RGL1: variants seen among roughly 807,000 people sequenced by gnomAD.
RGL1 encodes ral guanine nucleotide dissociation stimulator like 1.
A neutral mutation model predicts 95.2 loss-of-function variants in RGL1; 24 were observed. That is an observed-to-expected ratio of 0.25 (90% confidence interval 0.18 to 0.35). The LOEUF (loss-of-function observed/expected upper bound fraction) is 0.35, where lower values mean the gene tolerates loss of function less well. Ranked by LOEUF, RGL1 falls within the 10% of genes least tolerant of loss-of-function variation. The probability of loss-of-function intolerance (pLI) is 1.00; values close to 1 mark genes in which losing one functional copy is unlikely to be tolerated. For missense variants in RGL1, 715 were observed against 936.3 expected (o/e 0.76, Z 3.08); for synonymous variants, 329 against 344.9 (o/e 0.95, Z 0.51).
chr1:183,905,049 C>T, intron 13 of RGL1, 78 bp downstream of exon 13: 2 of 1,510,340 alleles, frequency 1.3e-6, no homozygotes, highest in Non-Finnish European at 1.8e-6. Context: ...CTCGCTGGGT[C>T]ATTTATTCAA....
chr1:183,738,419 TAA>T (rs1022833969), intron 1 of RGL1, among the ~76,000 whole-genome samples: 1 of 142,082 alleles, frequency 7.0e-6, no homozygotes, highest in Non-Finnish European at 1.5e-5. Flanking sequence ...AGACTCCGTC[TAA>T]AAAAAAAAAG....
At chr1:183,770,724 C>T (rs1440483297) in intron 2 of RGL1, among the ~76,000 whole-genome samples, 1 of 152,174 alleles carries the variant, frequency 6.6e-6, no homozygotes, top group Admixed American at 6.5e-5. Flanking sequence ...TGTGGCATCT[C>T]ATTGTCCAGA....
intron 1 of RGL1, among the ~76,000 whole-genome samples, chr1:183,687,840 A>G (rs1244504035): frequency 6.6e-6 from 1 of 152,236 alleles, no homozygotes; most frequent in Non-Finnish European, 1.5e-5. Context: ...TGAAGGTTTG[A>G]GGATCCTGAA....
Position 183,793,192 on chromosome 1 carries a change from G to A in RGL1, c.133-13183G>A, listed in dbSNP as rs1457057654. 2.0e-5 allele frequency among the ~76,000 whole-genome samples: 3 copies of A among 152,256 alleles called. No individual in the cohort carries two copies. The East Asian group carries it at 5.8e-4, about 29-fold the overall frequency. ...CACAAAGAACATACAATGGGGAAAGGATACGCTCTTCAGTAATGTGCTGTG... is the reference window on the plus strand; with the variant it reads ...CACAAAGAACATACAATGGGGAAAGAATACGCTCTTCAGTAATGTGCTGTG... On this transcript the variant is annotated intron_variant, in intron 2 of 18. Transcript: ENST00000304685.
chr1:183,846,207 G>A (rs1209525294), intron 2 of RGL1, among the ~76,000 whole-genome samples: 1 of 152,178 alleles, frequency 6.6e-6, no homozygotes, highest in Admixed American at 6.5e-5. Flanking sequence ...GGAATACTGT[G>A]CAGCCATAAA....
intron 2 of RGL1, among the ~76,000 whole-genome samples, chr1:183,837,054 C>T (rs573016333): frequency 3.3e-5 from 5 of 152,028 alleles, no homozygotes; most frequent in Non-Finnish European, 7.4e-5. Context: ...ATGTGGTATA[C>T]GGAGTAAGAA....
intron 1 of RGL1, among the ~76,000 whole-genome samples, chr1:183,684,120 T>C (rs1653404381): frequency 6.6e-6 from 1 of 152,174 alleles, no homozygotes; most frequent in Non-Finnish European, 1.5e-5. Context: ...ACATGTTCCT[T>C]TAGCTTGGAG....
At chr1:183,920,854 A>G (rs1053314901) in intron 16 of RGL1, among the ~76,000 whole-genome samples, 14 of 152,330 alleles carry the variant, frequency 9.2e-5, no homozygotes, top group Admixed American at 7.8e-4. Context: ...CACATTGTTT[A>G]TGGAATCACA....
rs76599229 is a variant in RGL1 at position 183,755,784 on chromosome 1, C to G, written c.132+13495C>G. Among the ~76,000 whole-genome samples the G allele has an allele frequency of 1.8e-3, 275 of 151,996 alleles. 6 individuals are homozygous for G. In the East Asian group the frequency reaches 0.051, roughly 28 times the overall value. On this transcript the variant is annotated intron_variant, in intron 2 of 18. Transcript: ENST00000304685. ...CTGTAATAAGTGTCCACAGGTATTT[C>G]GAGAGCTTAGAGCATGTAATCCAGC...
intron 2 of RGL1, among the ~76,000 whole-genome samples, chr1:183,788,654 G>A (rs924422855): frequency 2.0e-5 from 3 of 152,082 alleles, no homozygotes; most frequent in African/African-American, 4.8e-5. Context: ...TATTTACCTG[G>A]CCCTTGACAG....
At chr1:183,755,485 T>A (rs1658267680) in intron 2 of RGL1, among the ~76,000 whole-genome samples, 1 of 152,126 alleles carries the variant, frequency 6.6e-6, no homozygotes, top group Non-Finnish European at 1.5e-5. Context: ...GGGTTAAGTA[T>A]GACAAATATC....
intron 16 of RGL1, among the ~76,000 whole-genome samples, chr1:183,921,520 A>G (rs971568228): frequency 3.9e-5 from 6 of 152,016 alleles, no homozygotes; most frequent in Admixed American, 3.3e-4. Context: ...GCCTAAGATG[A>G]TGTTTGTGAG....
intron 1 of RGL1, among the ~76,000 whole-genome samples, chr1:183,719,736 G>A (rs184166511): frequency 3.9e-4 from 60 of 152,198 alleles, no homozygotes; most frequent in African/African-American, 1.2e-3. Flanking sequence ...GTGAAACCCC[G>A]TCCCTATAAA....
chr1:183,791,054 C>T (rs186473082), intron 2 of RGL1, among the ~76,000 whole-genome samples: 15 of 152,210 alleles, frequency 9.9e-5, no homozygotes, highest in South Asian at 6.2e-4. Flanking sequence ...ATCTAGAAGA[C>T]GCTGAATAAA....
At chr1:183,703,368 G>T (rs1189284406) in intron 1 of RGL1, among the ~76,000 whole-genome samples, 2 of 152,148 alleles carry the variant, frequency 1.3e-5, no homozygotes, top group African/African-American at 4.8e-5. Context: ...GTTAACTATG[G>T]TTTCAACAAG....
At chr1:183,801,266 TTTCTCATATATGTGTTGG>T (rs1479470922), upstream of RGL1, among the ~76,000 whole-genome samples, 2 of 152,140 alleles carry the variant, frequency 1.3e-5, no homozygotes, top group African/African-American at 4.8e-5. Flanking sequence ...TGTTGAGCAC[TTTCTCATATATGTGTTGG>T]TCGTTTGTAT....
intron 2 of RGL1, among the ~76,000 whole-genome samples, chr1:183,839,274 T>TA (rs940367223): frequency 6.6e-6 from 1 of 152,190 alleles, no homozygotes; most frequent in Non-Finnish European, 1.5e-5. Context: ...CTGTTGGACT[T>TA]ACCATTGGCA....
chr1:183,854,916 T>C (rs1454865011), intron 3 of RGL1, among the ~76,000 whole-genome samples: 4 of 152,176 alleles, frequency 2.6e-5, no homozygotes, highest in Admixed American at 2.6e-4. Context: ...CTGAAAAATA[T>C]TAAGTGCTTA....
chr1:183,779,748 C>A (rs1229795284), intron 2 of RGL1, among the ~76,000 whole-genome samples: 1 of 151,846 alleles, frequency 6.6e-6, no homozygotes, highest in African/African-American at 2.4e-5. Context: ...CTTTAAAAAA[C>A]AAGGACTTGT....
Sources: allele counts gnomAD v4.1 joint callset (sites outside exome capture counted in the v4.1 genomes callset), GRCh38; gene constraint gnomAD v4.1.1; transcripts MANE v1.5; gene names NCBI Gene and HGNC (gene_info 2026-07-23, HGNC 2026-07-21).